Variants in LRRC4C observed in about 807,000 individuals in gnomAD.
LRRC4C encodes leucine rich repeat containing 4C, also known as leucine-rich repeat-containing protein 4C.
Under a neutral mutation model 33.6 loss-of-function variants are expected in LRRC4C, and 5 were observed. The observed-to-expected ratio is 0.15, with a 90% confidence interval of 0.08 to 0.31. The LOEUF (loss-of-function observed/expected upper bound fraction) is 0.31. Ranked by LOEUF, LRRC4C falls within the 10% of genes least tolerant of loss-of-function variation. The pLI is 1.00. For synonymous variants in LRRC4C, 329 were observed against 302.0 expected (o/e 1.09, Z -0.93); for missense variants, 560 against 796.7 (o/e 0.70, Z 3.58).
At chr11:40,286,105 C>T (rs1943818967) in intron 4 of LRRC4C, among the ~76,000 whole-genome samples, 1 of 152,108 alleles carries the variant, frequency 6.6e-6, no homozygotes, top group African/African-American at 2.4e-5. Flanking sequence ...TCCGTGATCC[C>T]AAGTGGATGC....
At chr11:40,665,325 A>ATATATATATATAT (rs1491445233) in intron 2 of LRRC4C, among the ~76,000 whole-genome samples, 1 of 13,448 alleles carries the variant, frequency 7.4e-5, no homozygotes, top group Non-Finnish European at 1.4e-4. Context: ...AAAAAAAAAA[A>ATATATATATATAT]ATATATATAT....
chr11:41,379,320 C>T (rs181040071), intron 1 of LRRC4C, among the ~76,000 whole-genome samples: 10 of 152,228 alleles, frequency 6.6e-5, no homozygotes, highest in Non-Finnish European at 1.2e-4. Flanking sequence ...ACCATGGTTA[C>T]TGATTCTTCC....
intron 2 of LRRC4C, among the ~76,000 whole-genome samples, chr11:40,810,503 T>C (rs1055156776): frequency 1.4e-4 from 22 of 152,200 alleles, no homozygotes; most frequent in African/African-American, 5.3e-4. Flanking sequence ...AGTCCTGATC[T>C]TTCTCTTGAG....
intron 1 of LRRC4C, among the ~76,000 whole-genome samples, chr11:41,100,166 G>C (rs1224973809): frequency 2.0e-5 from 3 of 152,138 alleles, no homozygotes; most frequent in Non-Finnish European, 4.4e-5. Context: ...CCAGGAAAGT[G>C]AAAGAACTCT....
At chr11:41,113,515 A>G (rs1363595994) in intron 1 of LRRC4C, among the ~76,000 whole-genome samples, 1 of 152,090 alleles carries the variant, frequency 6.6e-6, no homozygotes, top group Admixed American at 6.6e-5. Context: ...ACAAAAAATA[A>G]AATTTTCTGC....
At chr11:40,372,777 G>T (rs892151269) in intron 3 of LRRC4C, among the ~76,000 whole-genome samples, 3 of 152,160 alleles carry the variant, frequency 2.0e-5, no homozygotes, top group Non-Finnish European at 2.9e-5. Context: ...AGCATACTTT[G>T]TCATTAGGCC....
At chr11:41,351,148 G>A (rs2137569031) in intron 1 of LRRC4C, among the ~76,000 whole-genome samples, 1 of 152,042 alleles carries the variant, frequency 6.6e-6, no homozygotes, top group African/African-American at 2.4e-5. Flanking sequence ...TGGGAGGATT[G>A]CTTGAGTCTG....
At chr11:41,239,999 G>A (rs1948186180) in intron 1 of LRRC4C, among the ~76,000 whole-genome samples, 1 of 152,146 alleles carries the variant, frequency 6.6e-6, no homozygotes, top group Non-Finnish European at 1.5e-5. Context: ...ATTAAAAATT[G>A]TGTTGTGTCC....
intron 2 of LRRC4C, among the ~76,000 whole-genome samples, chr11:40,746,071 G>A (rs192331193): frequency 5.4e-4 from 82 of 152,264 alleles, no homozygotes; most frequent in African/African-American, 2.0e-3. Flanking sequence ...CAATGAAGGA[G>A]GAGGAAGCAA....
At chr11:40,670,434 C>G (rs1476400493) in intron 2 of LRRC4C, among the ~76,000 whole-genome samples, 1 of 152,188 alleles carries the variant, frequency 6.6e-6, no homozygotes, top group Admixed American at 6.5e-5. Context: ...TAAAGAGAAG[C>G]ATGTCTATAT....
rs369968358 is a variant in LRRC4C at position 40,116,233 on chromosome 11, C to T, written c.60G>A (p.Arg20=). 2 of 1,614,000 alleles carry T rather than the reference C, an allele frequency of 1.2e-6. No homozygotes were observed. The highest frequency in any genetic ancestry group is 1.7e-6 in the Non-Finnish European group (2 of 1,180,014). Residue 20 remains arginine (R), a synonymous_variant, in exon 7 of 7, where the codon AGG becomes AGA. Coordinates refer to ENST00000528697, the MANE Select transcript of LRRC4C (RefSeq NM_001258419.2). The part of the protein sequence containing the change: ...QQIMIGPRFN[R]ALFDPLLVVL... ...CCACAAGCAGGGGGTCAAATAGGGCCCTGTTAAACCTAGGACCTATCATTA... is the reference window on the plus strand; with the variant it reads ...CCACAAGCAGGGGGTCAAATAGGGCTCTGTTAAACCTAGGACCTATCATTA...
intron 4 of LRRC4C, among the ~76,000 whole-genome samples, chr11:40,316,617 T>C (rs1479552315): frequency 1.3e-5 from 2 of 151,992 alleles, no homozygotes; most frequent in African/African-American, 4.8e-5. Flanking sequence ...TATTTTCTGA[T>C]CTCTAGGCGT....
At chr11:40,688,321 A>AGT (rs1945059675) in intron 2 of LRRC4C, among the ~76,000 whole-genome samples, 1 of 152,112 alleles carries the variant, frequency 6.6e-6, no homozygotes, top group Non-Finnish European at 1.5e-5. Context: ...TGTTAGCTTT[A>AGT]CCTGTGAATT....
intron 1 of LRRC4C, among the ~76,000 whole-genome samples, chr11:41,071,940 T>TGATA (rs1210664149): frequency 1.3e-5 from 2 of 152,130 alleles, no homozygotes; most frequent in African/African-American, 4.8e-5. Context: ...ACTGCAGATG[T>TGATA]GATAGAAATA....
At chr11:40,170,424 T>C (rs953511186) in intron 5 of LRRC4C, among the ~76,000 whole-genome samples, 2 of 151,904 alleles carry the variant, frequency 1.3e-5, no homozygotes, top group African/African-American at 4.8e-5. Context: ...CCAAATTACA[T>C]CTTTGGTGAA....
intron 4 of LRRC4C, among the ~76,000 whole-genome samples, chr11:40,246,422 T>C (rs1312497202): frequency 6.6e-6 from 1 of 152,198 alleles, no homozygotes; most frequent in Non-Finnish European, 1.5e-5. Context: ...TTCATCTCTG[T>C]AGTGATTAAG....
intron 1 of LRRC4C, among the ~76,000 whole-genome samples, chr11:41,081,402 G>C (rs1183778025): frequency 6.6e-6 from 1 of 152,200 alleles, no homozygotes; most frequent in Non-Finnish European, 1.5e-5. Flanking sequence ...AGATGCAGCA[G>C]TGAATTCTCA....
chr11:40,677,474 T>G (rs1370596645), intron 2 of LRRC4C, among the ~76,000 whole-genome samples: 1 of 152,124 alleles, frequency 6.6e-6, no homozygotes, highest in Non-Finnish European at 1.5e-5. Context: ...AGTCTTTAGA[T>G]CAAATAAAAG....
intron 2 of LRRC4C, among the ~76,000 whole-genome samples, chr11:40,902,681 C>T (rs945685928): frequency 6.6e-6 from 1 of 152,100 alleles, no homozygotes; most frequent in Non-Finnish European, 1.5e-5. Flanking sequence ...TAAAATGAAA[C>T]AGCCTGACTG....
Sources: allele counts gnomAD v4.1 joint callset (sites outside exome capture counted in the v4.1 genomes callset), GRCh38; gene constraint gnomAD v4.1.1; transcripts MANE v1.5; gene names NCBI Gene and HGNC (gene_info 2026-07-23, HGNC 2026-07-21).